UNC93A: variants seen among roughly 807,000 people sequenced by gnomAD.
UNC93A encodes N-acetylglucosamine transporter UNC93A.
UNC93A carries 43 observed loss-of-function variants against 47.5 expected under a neutral mutation model. The ratio of observed to expected loss-of-function variants is 0.91; its 90% CI spans 0.71 to 1.17. UNC93A has a LOEUF of 1.17. Ranked by LOEUF, UNC93A falls within the 50% of genes most tolerant of loss-of-function variation. UNC93A has a pLI of 0.00. For missense variants in UNC93A, 605 were observed against 577.6 expected, an observed-to-expected ratio of 1.05 and a Z score of -0.49; for synonymous variants, 280 against 258.0, an observed-to-expected ratio of 1.09 and a Z score of -0.82.
At chr6:167,302,785 T>C (rs1778278294) in intron 4 of UNC93A, among the ~76,000 whole-genome samples, 1 of 152,320 alleles carries the variant, frequency 6.6e-6, no homozygotes, top group Non-Finnish European at 1.5e-5. Context: ...GAGTCCCCCT[T>C]GTCCCCATTT....
chr6:167,274,307 G>A (rs560032891), intron 1 of UNC93A, among the ~76,000 whole-genome samples: 7 of 152,270 alleles, frequency 4.6e-5, no homozygotes, highest in Non-Finnish European at 8.8e-5. Context: ...TTATGTTCTT[G>A]ACCCTCCTTC....
At chr6:167,300,941 A>C (rs893615528) in intron 4 of UNC93A, among the ~76,000 whole-genome samples, 1 of 152,238 alleles carries the variant, frequency 6.6e-6, no homozygotes, top group African/African-American at 2.4e-5. Flanking sequence ...ATATTCCTAC[A>C]TGTAAGTATC....
At chr6:167,295,050 C>T (rs1349071538) in intron 2 of UNC93A, among the ~76,000 whole-genome samples, 3 of 152,154 alleles carry the variant, frequency 2.0e-5, no homozygotes, top group Non-Finnish European at 4.4e-5. Context: ...GTCTCGTGGG[C>T]ACCTAGGCAG....
chr6:167,314,925 A>G (rs1778650640), intron 7 of UNC93A, among the ~76,000 whole-genome samples: 1 of 152,136 alleles, frequency 6.6e-6, no homozygotes, highest in Non-Finnish European at 1.5e-5. Flanking sequence ...CCTTGGGCAC[A>G]TCTCGTCAGG....
chr6:167,284,462 C>T (rs954517972), intron 1 of UNC93A, among the ~76,000 whole-genome samples: 6 of 152,264 alleles, frequency 3.9e-5, no homozygotes, highest in Admixed American at 1.3e-4. Flanking sequence ...TCCGAACATC[C>T]GGGCTGGGGA....
At chr6:167,300,426 G>A (rs1005967045) in intron 4 of UNC93A, among the ~76,000 whole-genome samples, 3 of 152,162 alleles carry the variant, frequency 2.0e-5, no homozygotes, top group African/African-American at 7.2e-5. Flanking sequence ...TGGGGAGGGG[G>A]TTTGAGAGTG....
intron 7 of UNC93A, among the ~76,000 whole-genome samples, chr6:167,308,664 G>T (rs941140492): frequency 6.6e-6 from 1 of 151,982 alleles, no homozygotes; most frequent in Non-Finnish European, 1.5e-5. Context: ...GAGGAGTGGG[G>T]TGGAGTGGCA....
Position 167,304,136 on chromosome 6 carries a change from A to G in UNC93A, c.840+3A>G. The G allele has an allele frequency of 6.2e-7, 1 of 1,614,148 alleles. No homozygotes were observed. Among genetic ancestry groups the G allele is most frequent in the Non-Finnish European group, 8.5e-7 (1 of 1,180,038 alleles). On this transcript the variant is annotated splice_donor_region_variant and intron_variant, in intron 5 of 7. Coordinates refer to ENST00000230256, the MANE Select transcript of UNC93A (RefSeq NM_018974.4). ...TCCTCTCCAGCGAATACACAAGGGTATGAACGAAAGTGAGGGCCGGTGGCT... is the reference window on the plus strand; with the variant it reads ...TCCTCTCCAGCGAATACACAAGGGTGTGAACGAAAGTGAGGGCCGGTGGCT...
intron 7 of UNC93A, among the ~76,000 whole-genome samples, chr6:167,311,501 C>T (rs1022098861): frequency 2.6e-5 from 4 of 152,204 alleles, no homozygotes; most frequent in Admixed American, 6.5e-5. Flanking sequence ...CCCGCCAATG[C>T]GCTGCCATGA....
chr6:167,305,828 G>C, intron 5 of UNC93A, 87 bp from the exon 6 acceptor site: 1 of 1,586,482 alleles, frequency 6.3e-7, no homozygotes, highest in South Asian at 1.1e-5. Flanking sequence ...TCTCAGAGCA[G>C]ATGTTCTAAG....
rs1331539135 is a variant in UNC93A at position 167,283,593 on chromosome 6, C to T, written c.-51-7846C>T. On this transcript the variant is annotated intron_variant, in intron 1 of 3. Transcript: ENST00000503433. ...GCAGGTACATCTGCAAAACTGATTT[C>T]TGCGCTTGTCCTACCTCTAAAACAT... 7.2e-5 allele frequency among the ~76,000 whole-genome samples: 11 copies of T among 152,254 alleles called. No homozygotes were observed. The East Asian group carries it at 2.1e-3, about 29-fold the overall frequency.
At chr6:167,285,701 A>G (rs1360223877) in intron 1 of UNC93A, among the ~76,000 whole-genome samples, 9 of 151,584 alleles carry the variant, frequency 5.9e-5, no homozygotes, top group Non-Finnish European at 1.3e-4. Context: ...CCTGGGCAGC[A>G]GCTCAACCAG....
At position 167,297,926 on chromosome 6, in the gene UNC93A, G is replaced by T. The variant is rs746123098; in HGVS notation, c.500-19G>T. ...CATTTGCCGTCATCTCATGTCTCCT[G>T]TCCACTCTGACTTCATAGAGACCCT... On this transcript the variant is annotated intron_variant, in intron 3 of 7. Coordinates refer to ENST00000230256, the MANE Select transcript of UNC93A (RefSeq NM_018974.4). 1.2e-6 allele frequency: 2 copies of T among 1,612,434 alleles called. No individual in the cohort carries two copies. The highest frequency in any genetic ancestry group is 2.2e-5 in the South Asian group (2 of 90,864).
intron 1 of UNC93A, among the ~76,000 whole-genome samples, chr6:167,272,589 A>G (rs1180228975): frequency 6.6e-6 from 1 of 152,226 alleles, no homozygotes; most frequent in African/African-American, 2.4e-5. Flanking sequence ...GACTTCAATC[A>G]AATACATTTA....
chr6:167,273,933 T>G (rs73255095), intron 1 of UNC93A, among the ~76,000 whole-genome samples: 2,978 of 152,284 alleles, frequency 0.02, 109 homozygotes, highest in African/African-American at 0.068. Context: ...GAATCGATGG[T>G]AAATGTTTAT....
At chr6:167,282,066 A>T (rs1272087643) in intron 1 of UNC93A, among the ~76,000 whole-genome samples, 1 of 152,160 alleles carries the variant, frequency 6.6e-6, no homozygotes, top group African/African-American at 2.4e-5. Context: ...CAGCAGACTA[A>T]TTTTTATTGT....
rs776229009 is a variant in UNC93A at position 167,307,847 on chromosome 6, G to C, written c.1045G>C (p.Val349Leu). 3.7e-6 allele frequency: 6 copies of C among 1,614,110 alleles called. No homozygotes were observed. The highest frequency in any genetic ancestry group is 5.1e-6 in the Non-Finnish European group (6 of 1,179,990). ...LWRPRADHLA[V>L]FFVFSGLWGV... ...GAGACCTCGTGCTGACCATCTGGCA[G>C]TGTTCTTCGTATTCTCTGGCCTGTG... Residue 349 changes from valine to leucine, a missense_variant, in exon 7 of 8, where the codon GTG becomes CTG. Physicochemically the swap from Val to Leu is conservative, Grantham distance 32. Transcript: ENST00000230256.
intron 4 of UNC93A, among the ~76,000 whole-genome samples, chr6:167,299,869 G>A (rs6923070): frequency 0.077 from 11,659 of 152,258 alleles, 566 homozygotes; most frequent in East Asian, 0.23. Context: ...TGTGCCAAAG[G>A]GTCTGGACGA....
chr6:167,280,146 C>T (rs563110672), intron 1 of UNC93A, among the ~76,000 whole-genome samples: 1 of 152,226 alleles, frequency 6.6e-6, no homozygotes, highest in East Asian at 1.9e-4. Context: ...TTTCAAGGTA[C>T]AGATGTAACT....
Sources: gnomAD v4.1 joint callset for allele counts (sites outside exome capture counted in the v4.1 genomes callset) on GRCh38, gnomAD v4.1.1 for gene constraint, MANE v1.5 for transcripts, NCBI Gene and HGNC (gene_info 2026-07-23, HGNC 2026-07-21) for gene names.